Variants in EXOC1 observed in about 807,000 individuals in gnomAD.
EXOC1 encodes SEC3-like 1.
Under a neutral mutation model 107.7 loss-of-function variants are expected in EXOC1, and 67 were observed. That is an observed-to-expected ratio of 0.62 (90% CI 0.51 to 0.76). The LOEUF is 0.76. EXOC1 is among the 30% of genes least tolerant of loss of function. EXOC1 has a pLI of 0.00. For missense variants in EXOC1, 833 were observed against 1,055.7 expected (o/e 0.79, Z 2.92); for synonymous variants, 348 against 353.5 (o/e 0.98, Z 0.17).
rs970151386 is a variant in EXOC1 at position 55,889,515 on chromosome 4, A to T, written c.1375+583A>T. On this transcript the variant is annotated intron_variant, in intron 11 of 18. Transcript: ENST00000381295. ...GGATACCAAAATTTTACCTAAACACAGATGTCCCATATTAATATGATTAGT... is the reference window on the plus strand; with the variant it reads ...GGATACCAAAATTTTACCTAAACACTGATGTCCCATATTAATATGATTAGT... Among the ~76,000 whole-genome samples, 5 of 152,304 alleles carry T rather than the reference A, an allele frequency of 3.3e-5. 1 individual carries two copies. The highest frequency in any genetic ancestry group is 1.2e-4 in the African/African-American group (5 of 41,566).
intron 13 of EXOC1, 118 bp from the exon 14 acceptor site, chr4:55,892,517 A>C: frequency 2.6e-6 from 2 of 766,738 alleles, no homozygotes; most frequent in Non-Finnish European, 4.4e-6. Flanking sequence ...ACCTTTAAAA[A>C]TATTTTTCAT....
chr4:55,858,257 G>A (rs1721173870), intron 1 of EXOC1, 57 bp from the exon 2 acceptor site: 2 of 1,480,154 alleles, frequency 1.4e-6, no homozygotes, highest in Admixed American at 4.8e-5. Context: ...AAATTCAGAA[G>A]TATAAGATGG....
intron 1 of EXOC1, among the ~76,000 whole-genome samples, chr4:55,854,720 C>G (rs1028407300): frequency 2.6e-5 from 4 of 152,158 alleles, no homozygotes; most frequent in African/African-American, 9.7e-5. Flanking sequence ...CTTGTTTTGC[C>G]TCTTACTGTA....
chr4:55,860,466 G>A lies in EXOC1; in HGVS notation c.180G>A (p.Lys60=). The change falls in exon 3 of 19, where the codon AAG becomes AAA. Residue 60 remains lysine, a synonymous_variant. Transcript: ENST00000381295. ...VKVVKVKKSD[K]GDFYKRQIAW... Reference sequence around the variant, plus strand: ...TGGTCAAAGTCAAGAAATCCGATAAGGGAGATTTCTACAAAAGGCAGATTG... The same window carrying A: ...TGGTCAAAGTCAAGAAATCCGATAAAGGAGATTTCTACAAAAGGCAGATTG... 6.2e-7 allele frequency: 1 copy of A among 1,614,010 alleles called. No individual in the cohort carries two copies.
chr4:55,856,463 A>G (rs902972762), intron 1 of EXOC1, among the ~76,000 whole-genome samples: 16 of 152,202 alleles, frequency 1.1e-4, no homozygotes, highest in African/African-American at 3.4e-4. Context: ...GAGAAAAGCA[A>G]TTTTTGGAAT....
At chr4:55,894,614 C>CTTTTTTTTTTTTT (rs772700227) in intron 15 of EXOC1, among the ~76,000 whole-genome samples, 25 of 76,126 alleles carry the variant, frequency 3.3e-4, no homozygotes, top group Admixed American at 6.5e-4. Context: ...CTATCTGTTA[C>CTTTTTTTTTTTTT]TTTTTTTTTT....
At chr4:55,864,670 A>T (rs1721790443) in intron 4 of EXOC1, among the ~76,000 whole-genome samples, 2 of 152,176 alleles carry the variant, frequency 1.3e-5, no homozygotes, top group Admixed American at 6.5e-5. Context: ...AGATAAAGAA[A>T]TTTACATTAT....
At chr4:55,871,347 A>T in intron 7 of EXOC1, 114 bp downstream of exon 7, 3 of 1,300,402 alleles carry the variant, frequency 2.3e-6, no homozygotes, top group Non-Finnish European at 3.1e-6. Context: ...GGGTTACATT[A>T]TTAGCTATTC....
chr4:55,891,857 T>C (rs1004409794), intron 13 of EXOC1, among the ~76,000 whole-genome samples: 5 of 152,224 alleles, frequency 3.3e-5, no homozygotes, highest in African/African-American at 1.2e-4. Flanking sequence ...TTTGCCTTCC[T>C]TGTGGCTTTG....
At chr4:55,883,001 A>G (rs1281761047) in intron 9 of EXOC1, 1 of 152,142 alleles carries the variant, frequency 6.6e-6, no homozygotes, top group Admixed American at 6.5e-5. Context: ...TCTGGAGAGT[A>G]TATTTTTATG....
chr4:55,861,797 TA>T, intron 3 of EXOC1, among the ~76,000 whole-genome samples: 1 of 152,258 alleles, frequency 6.6e-6, no homozygotes, highest in South Asian at 2.1e-4. Flanking sequence ...CTCACGCCTG[TA>T]ATCCTAACAC....
At position 55,902,450 on chromosome 4, in the gene EXOC1, A is replaced by G; in HGVS notation, c.2444A>G (p.Glu815Gly). 6.3e-7 allele frequency: 1 copy of G among 1,588,264 alleles called. No individual in the cohort carries two copies. Among genetic ancestry groups the G allele is most frequent in the South Asian group, 1.2e-5 (1 of 86,346 alleles). The change falls in exon 18 of 19, where the codon GAG (glutamate) becomes GGG (glycine). Residue 815 changes from glutamate (E) to glycine (G), a missense_variant. Glu to Gly is a moderately conservative substitution (Grantham distance 98, BLOSUM62 -2). Coordinates refer to ENST00000381295, the MANE Select transcript of EXOC1 (RefSeq NM_001024924.2). ...CAAGAACTTCGTAAAGTCATTAAGG[A>G]GTACCCTGGAAAGGAAGTAAAAAAA... ...NKQELRKVIK[E>G]YPGKEVKKGL...
chr4:55,886,149 A>G (rs1723850240), intron 10 of EXOC1, among the ~76,000 whole-genome samples: 1 of 152,218 alleles, frequency 6.6e-6, no homozygotes, highest in South Asian at 2.1e-4. Context: ...ACTCTAGGCT[A>G]ATGTGTTTTC....
At chr4:55,862,609 G>T (rs185006797) in intron 3 of EXOC1, among the ~76,000 whole-genome samples, 1 of 151,900 alleles carries the variant, frequency 6.6e-6, no homozygotes, top group African/African-American at 2.4e-5. Context: ...AATTTTTGAC[G>T]CTTCAATTCT....
At chr4:55,891,508 G>T in intron 13 of EXOC1, 86 bp downstream of exon 13, 1 of 910,186 alleles carries the variant, frequency 1.1e-6, no homozygotes, top group Non-Finnish European at 1.7e-6. Context: ...TTTATGATCA[G>T]AAGAGAAAAG....
At chr4:55,903,219 G>A (rs1462929933) in intron 18 of EXOC1, among the ~76,000 whole-genome samples, 7 of 151,776 alleles carry the variant, frequency 4.6e-5, no homozygotes. Flanking sequence ...GCTTAGAGAG[G>A]TGGAGTAATA....
intron 1 of EXOC1, among the ~76,000 whole-genome samples, chr4:55,855,679 A>G (rs1161002492): frequency 6.6e-6 from 1 of 152,204 alleles, no homozygotes; most frequent in African/African-American, 2.4e-5. Flanking sequence ...TACAGAAAAG[A>G]TGACATTTTA....
intron 8 of EXOC1, chr4:55,876,409 A>G (rs1722898437): frequency 9.9e-6 from 7 of 709,692 alleles, no homozygotes; most frequent in Middle Eastern, 7.3e-4. Context: ...TGTATATTAT[A>G]TAATCACTCC....
At chr4:55,887,206 A>G (rs1723976377) in intron 10 of EXOC1, among the ~76,000 whole-genome samples, 1 of 149,848 alleles carries the variant, frequency 6.7e-6, no homozygotes, top group African/African-American at 2.5e-5. Context: ...ATACATTTAC[A>G]TAATCATTGC....
Sources: gnomAD v4.1 joint callset for allele counts (sites outside exome capture counted in the v4.1 genomes callset) on GRCh38, gnomAD v4.1.1 for gene constraint, MANE v1.5 for transcripts, NCBI Gene and HGNC (gene_info 2026-07-23, HGNC 2026-07-21) for gene names.